Variants in TDRD5 observed in about 807,000 individuals in gnomAD.
TDRD5 encodes tudor domain-containing protein 5.
Under a neutral mutation model 120.6 loss-of-function variants are expected in TDRD5, and 41 were observed. That is an observed-to-expected ratio of 0.34 (90% CI 0.26 to 0.44). The LOEUF is 0.44. Among genes scored for constraint, TDRD5 ranks in the 20% least tolerant of loss-of-function variants. TDRD5 has a pLI of 1.00. For missense variants in TDRD5, 1,006 were observed against 1,221.2 expected, an observed-to-expected ratio of 0.82 and a Z score of 2.63; for synonymous variants, 430 against 433.7, an observed-to-expected ratio of 0.99 and a Z score of 0.11.
chr1:179,650,107 C>A (rs1329781145), intron 11 of TDRD5, among the ~76,000 whole-genome samples: 1 of 152,070 alleles, frequency 6.6e-6, no homozygotes, highest in Non-Finnish European at 1.5e-5. Flanking sequence ...ATGTCTGTCT[C>A]GTTTGTCCTG....
At chr1:179,684,594 C>T (rs141035549) in intron 17 of TDRD5, among the ~76,000 whole-genome samples, 2,564 of 152,222 alleles carry the variant, frequency 0.017, 86 homozygotes, top group African/African-American at 0.059. Flanking sequence ...AATGGTATTT[C>T]TAGTTCTAGA....
chr1:179,603,011 A>G (rs539237321), intron 4 of TDRD5, among the ~76,000 whole-genome samples: 1 of 152,324 alleles, frequency 6.6e-6, no homozygotes, highest in East Asian at 1.9e-4. Context: ...ATCCATGAGC[A>G]TGGGATGTGT....
chr1:179,598,674 GTT>G (rs34491944), intron 4 of TDRD5, among the ~76,000 whole-genome samples: 6 of 143,716 alleles, frequency 4.2e-5, no homozygotes, highest in South Asian at 2.2e-4. Flanking sequence ...AAATCAATTG[GTT>G]TTTTTTTTTT....
At chr1:179,628,328 T>TC (rs1677250263) in intron 6 of TDRD5, among the ~76,000 whole-genome samples, 3 of 111,804 alleles carry the variant, frequency 2.7e-5, no homozygotes, top group South Asian at 5.4e-4. Context: ...TCTTTTCTTT[T>TC]TTTTTTTTTT....
At chr1:179,641,287 T>C (rs1678032411) in intron 11 of TDRD5, among the ~76,000 whole-genome samples, 1 of 152,168 alleles carries the variant, frequency 6.6e-6, no homozygotes, top group Non-Finnish European at 1.5e-5. Flanking sequence ...CCCAGCACTT[T>C]GGGAAGCCAA....
In TDRD5 at chr1:179,690,838, C is replaced by T. The variant is rs762319041; in HGVS notation, c.3003C>T (p.Tyr1001=). 28 of 1,614,094 alleles carry T rather than the reference C, an allele frequency of 1.7e-5. No individual in the cohort carries two copies. Among genetic ancestry groups the T allele is most frequent in the Non-Finnish European group, 2.3e-5 (27 of 1,180,044 alleles). The change falls in exon 18 of 18, where the codon TAC becomes TAT. Residue 1001 remains tyrosine (Y), a synonymous_variant. Coordinates refer to ENST00000444136, the MANE Select transcript of TDRD5 (RefSeq NM_001199085.3). ...SYECQISQKL[Y]IPRSTATAAL... ...AGTGCCAGATTTCTCAGAAGCTCTA[C>T]ATTCCTCGAAGTACAGCCACTGCTG...
chr1:179,669,366 C>G lies in TDRD5; in HGVS notation c.2822C>G (p.Thr941Ser), dbSNP rs1254777025. 1 of 1,614,228 alleles carries G rather than the reference C, an allele frequency of 6.2e-7. No individual in the cohort carries two copies. Among genetic ancestry groups the G allele is most frequent in the East Asian group, 2.2e-5 (1 of 44,882 alleles). ...TCCACAGCAGCACCCTGTTCAACAA[C>G]TGCAGTGGATGATTCCGCAGAAAAG... ...QLSTAAPCST[T>S]AVDDSAEKPS... Residue 941 changes from threonine (T) to serine (S), a missense_variant, in exon 17 of 18, where the codon ACT (threonine) becomes AGT (serine). Physicochemically the swap from Thr to Ser is moderately conservative, Grantham distance 58. Coordinates refer to ENST00000444136, the MANE Select transcript of TDRD5 (RefSeq NM_001199085.3).
Position 179,623,340 on chromosome 1 carries a change from G to A in TDRD5, c.972+2249G>A, listed in dbSNP as rs377166798. Among the ~76,000 whole-genome samples the A allele has an allele frequency of 9.2e-5, 14 of 152,232 alleles. No individual in the cohort carries two copies. The East Asian group carries it at 2.1e-3, about 23-fold the overall frequency. On this transcript the variant is annotated intron_variant, in intron 6 of 17. Coordinates refer to ENST00000444136, the MANE Select transcript of TDRD5 (RefSeq NM_001199085.3). ...TGTGAAAGACTGCCTTTTTTGATCA[G>A]TTAAAATATATGACTGTTTAAAGCA...
chr1:179,627,023 GA>G (rs1259097109), intron 6 of TDRD5, among the ~76,000 whole-genome samples: 1 of 152,030 alleles, frequency 6.6e-6, no homozygotes, highest in Non-Finnish European at 1.5e-5. Flanking sequence ...GGCATTTAAA[GA>G]AAAACAGCAA....
intron 4 of TDRD5, among the ~76,000 whole-genome samples, chr1:179,609,363 A>AT (rs1676162537): frequency 6.6e-6 from 1 of 152,170 alleles, no homozygotes; most frequent in Admixed American, 6.5e-5. Flanking sequence ...ATTTTAGATA[A>AT]TTTTGTGCAT....
chr1:179,689,952 C>T (rs1013353800), intron 17 of TDRD5, among the ~76,000 whole-genome samples: 7 of 152,176 alleles, frequency 4.6e-5, no homozygotes, highest in African/African-American at 1.7e-4. Flanking sequence ...TGCCATCTGT[C>T]ACGGCTTCCC....
intron 5 of TDRD5, 147 bp downstream of exon 5, chr1:179,618,829 A>G: frequency 1.8e-6 from 1 of 556,878 alleles, no homozygotes; most frequent in Non-Finnish European, 2.8e-6. Context: ...ACTAAGAAAA[A>G]GAAACAAAAT....
intron 4 of TDRD5, among the ~76,000 whole-genome samples, chr1:179,613,682 AGGCCTCTCTAATAGG>A (rs1676403567): frequency 6.6e-6 from 1 of 152,186 alleles, no homozygotes. Context: ...GATCTCGCCA[AGGCCTCTCTAATAGG>A]GGCACTAATC....
intron 9 of TDRD5, 104 bp downstream of exon 9, chr1:179,635,991 CT>C (rs36125866): frequency 0.34 from 286,576 of 850,996 alleles, 52,713 homozygotes; most frequent in Admixed American, 0.42. Flanking sequence ...CCCAAGAGAG[CT>C]TTTTTTTATC....
intron 14 of TDRD5, among the ~76,000 whole-genome samples, chr1:179,659,258 A>G (rs1379141822): frequency 6.6e-6 from 1 of 152,168 alleles, no homozygotes; most frequent in East Asian, 1.9e-4. Context: ...CCAATTGATT[A>G]GTGGTATTGT....
intron 15 of TDRD5, among the ~76,000 whole-genome samples, chr1:179,663,140 T>C (rs1679396511): frequency 6.6e-6 from 1 of 152,220 alleles, no homozygotes; most frequent in African/African-American, 2.4e-5. Context: ...CAGAGTTGTA[T>C]TTATTTTTGA....
intron 11 of TDRD5, among the ~76,000 whole-genome samples, chr1:179,642,492 C>T (rs1340901916): frequency 6.6e-6 from 1 of 152,182 alleles, no homozygotes; most frequent in Non-Finnish European, 1.5e-5. Flanking sequence ...TCACGATTGT[C>T]CTTCTTGTCA....
At chr1:179,670,120 G>A (rs1168140049) in intron 17 of TDRD5, among the ~76,000 whole-genome samples, 1 of 152,158 alleles carries the variant, frequency 6.6e-6, no homozygotes, top group Non-Finnish European at 1.5e-5. Context: ...GGCTGGGCAC[G>A]ATGGCTCACG....
intron 4 of TDRD5, among the ~76,000 whole-genome samples, chr1:179,608,261 T>C (rs1190508134): frequency 6.6e-6 from 1 of 150,970 alleles, no homozygotes; most frequent in Non-Finnish European, 1.5e-5. Context: ...TTGTTGTACT[T>C]TTCTTTATTT....
Sources: gnomAD v4.1 joint callset for allele counts (sites outside exome capture counted in the v4.1 genomes callset) on GRCh38, gnomAD v4.1.1 for gene constraint, MANE v1.5 for transcripts, NCBI Gene and HGNC (gene_info 2026-07-23, HGNC 2026-07-21) for gene names.